The following FGGY variants were observed in gnomAD, a reference collection of about 807,000 sequenced individuals.
FGGY encodes FGGY carbohydrate kinase domain-containing protein.
A neutral mutation model predicts 71.3 loss-of-function variants in FGGY; 72 were observed. That is an observed-to-expected ratio of 1.01 (90% CI 0.84 to 1.23). The LOEUF (loss-of-function observed/expected upper bound fraction) is 1.23. Among genes scored for constraint, FGGY ranks in the 50% most tolerant of loss-of-function variants. FGGY has a pLI of 0.00. For missense variants in FGGY, 668 were observed against 682.3 expected, an observed-to-expected ratio of 0.98 and a Z score of 0.23; for synonymous variants, 251 against 250.3, an observed-to-expected ratio of 1.00 and a Z score of -0.02.
intron 9 of FGGY, among the ~76,000 whole-genome samples, chr1:59,609,839 T>G (rs1320664419): frequency 1.3e-5 from 2 of 152,222 alleles, no homozygotes; most frequent in African/African-American, 4.8e-5. Context: ...ACGTTACTGT[T>G]GTGCCAGGCT....
intron 2 of FGGY, among the ~76,000 whole-genome samples, chr1:59,322,121 G>C (rs835410): frequency 0.39 from 58,524 of 151,804 alleles, 11,539 homozygotes; most frequent in East Asian, 0.49. Flanking sequence ...CTGTGTAGTT[G>C]CATCTTCACA....
At chr1:59,437,695 G>A (rs1464510929) in intron 5 of FGGY, among the ~76,000 whole-genome samples, 2 of 152,118 alleles carry the variant, frequency 1.3e-5, no homozygotes, top group African/African-American at 4.8e-5. Context: ...CCTGGTAAGG[G>A]GATATATATT....
chr1:59,540,488 G>A (rs559594077), intron 7 of FGGY, among the ~76,000 whole-genome samples: 5 of 152,260 alleles, frequency 3.3e-5, no homozygotes, highest in Non-Finnish European at 5.9e-5. Flanking sequence ...AAAATACACC[G>A]AATGGTTTAA....
intron 9 of FGGY, among the ~76,000 whole-genome samples, chr1:59,614,183 G>A (rs372827205): frequency 6.6e-6 from 1 of 152,184 alleles, no homozygotes; most frequent in Admixed American, 6.5e-5. Flanking sequence ...AAGCCTGGCA[G>A]AGACACAACT....
chr1:59,390,887 T>C (rs1196787581), intron 5 of FGGY, among the ~76,000 whole-genome samples: 2 of 152,214 alleles, frequency 1.3e-5, no homozygotes, highest in Non-Finnish European at 2.9e-5. Context: ...CATTATTCAT[T>C]AATACATTCA....
At chr1:59,537,563 A>T (rs1402714940) in intron 7 of FGGY, among the ~76,000 whole-genome samples, 1 of 152,232 alleles carries the variant, frequency 6.6e-6, no homozygotes, top group Non-Finnish European at 1.5e-5. Context: ...AAAAGAACAA[A>T]GCTGGAGGCA....
At chr1:59,750,520 A>G (rs1246648078) in intron 14 of FGGY, among the ~76,000 whole-genome samples, 1 of 152,190 alleles carries the variant, frequency 6.6e-6, no homozygotes, top group African/African-American at 2.4e-5. Context: ...ATGTGTGCAC[A>G]TAGTGTACTT....
chr1:59,610,847 G>A (rs111363503), intron 9 of FGGY, among the ~76,000 whole-genome samples: 5 of 152,308 alleles, frequency 3.3e-5, no homozygotes, highest in African/African-American at 1.2e-4. Flanking sequence ...CTTAGCAAAC[G>A]GCACACCAGG....
chr1:59,609,481 G>A lies in FGGY; in HGVS notation c.1011+1571G>A, dbSNP rs77180626. 3.5e-3 allele frequency among the ~76,000 whole-genome samples: 530 copies of A among 152,320 alleles called. 5 individuals are homozygous for A. Among genetic ancestry groups the A allele is most frequent in the African/African-American group, 0.012 (503 of 41,578 alleles). The stretch of plus-strand genomic sequence containing the variant: ...AACAGACAAAAAGCCACAAGGACTT[G>A]AATGAGGACAGTAATAATGATGACT... On this transcript the variant is annotated intron_variant, in intron 9 of 15. Coordinates refer to ENST00000303721, the MANE Select transcript of FGGY (RefSeq NM_018291.5).
At chr1:59,583,550 C>A (rs1247927696) in intron 8 of FGGY, among the ~76,000 whole-genome samples, 3 of 142,486 alleles carry the variant, frequency 2.1e-5, no homozygotes, top group African/African-American at 8.3e-5. Flanking sequence ...TCTAGAAAAC[C>A]TTGGTTGTTT....
intron 14 of FGGY, among the ~76,000 whole-genome samples, chr1:59,691,655 T>G (rs1345471344): frequency 6.6e-6 from 1 of 151,518 alleles, no homozygotes; most frequent in Non-Finnish European, 1.5e-5. Flanking sequence ...TTTTTTTTTT[T>G]TTAACTGTAT....
intron 14 of FGGY, chr1:59,697,659 G>C (rs1357197624): frequency 3.8e-5 from 49 of 1,303,834 alleles, no homozygotes; most frequent in Non-Finnish European, 4.6e-5. Context: ...GGGGGAAATA[G>C]ATAGCTCAGT....
At chr1:59,389,001 GCA>G (rs909353381) in intron 5 of FGGY, among the ~76,000 whole-genome samples, 2 of 152,076 alleles carry the variant, frequency 1.3e-5, no homozygotes, top group African/African-American at 4.8e-5. Context: ...AGGCCGGAGT[GCA>G]GTGTCGTAAT....
At chr1:59,478,523 G>A (rs189596559) in intron 6 of FGGY, among the ~76,000 whole-genome samples, 1 of 152,226 alleles carries the variant, frequency 6.6e-6, no homozygotes, top group African/African-American at 2.4e-5. Context: ...GAACATAGTA[G>A]GTACTCAATA....
chr1:59,309,554 T>C (rs189921363), intron 1 of FGGY, among the ~76,000 whole-genome samples: 2 of 152,166 alleles, frequency 1.3e-5, no homozygotes, highest in Non-Finnish European at 2.9e-5. Context: ...AGAAGAAGCA[T>C]TGGTGCTGTT....
At position 59,717,133 on chromosome 1, in the gene FGGY, T is replaced by G. The variant is rs568987506; in HGVS notation, c.1513-40798T>G. The stretch of plus-strand genomic sequence containing the variant: ...CAGATATGAAAATTGAGGCTTAGAT[T>G]ATAGCAATCAAAGGTTGATGGGAAA... On this transcript the variant is annotated intron_variant, in intron 14 of 15. Transcript: ENST00000303721. 1.2e-4 allele frequency among the ~76,000 whole-genome samples: 18 copies of G among 152,302 alleles called. No homozygotes were observed. In the South Asian group the frequency reaches 3.7e-3, roughly 32 times the overall value.
chr1:59,732,638 A>C (rs1203613682), intron 14 of FGGY, among the ~76,000 whole-genome samples: 1 of 151,936 alleles, frequency 6.6e-6, no homozygotes. Flanking sequence ...CAGAGATACC[A>C]AAGCAGATAG....
chr1:59,556,392 C>T (rs574437491), intron 8 of FGGY, among the ~76,000 whole-genome samples: 1 of 152,274 alleles, frequency 6.6e-6, no homozygotes, highest in South Asian at 2.1e-4. Context: ...GCTGGCTTTC[C>T]CTACCCATTT....
intron 14 of FGGY, among the ~76,000 whole-genome samples, chr1:59,745,204 G>C (rs2098185311): frequency 6.6e-6 from 1 of 152,096 alleles, no homozygotes; most frequent in East Asian, 1.9e-4. Flanking sequence ...ACAGTCTAAG[G>C]CCAGCTCCAA....
Sources: gnomAD v4.1 joint callset for allele counts (sites outside exome capture counted in the v4.1 genomes callset) on GRCh38, gnomAD v4.1.1 for gene constraint, MANE v1.5 for transcripts, NCBI Gene and HGNC (gene_info 2026-07-23, HGNC 2026-07-21) for gene names.